Variants in AMY2B observed in about 807,000 individuals in gnomAD.
The protein encoded by AMY2B is amylase alpha 2B, also known as alpha-amylase 2B.
A neutral mutation model predicts 59.3 loss-of-function variants in AMY2B; 63 were observed. The observed-to-expected ratio is 1.06, with a 90% CI of 0.87 to 1.31. The LOEUF (loss-of-function observed/expected upper bound fraction) is 1.31, where lower values mean the gene tolerates loss of function less well. Among genes scored for constraint, AMY2B ranks in the 50% most tolerant of loss-of-function variants. The pLI is 0.00. For missense variants in AMY2B, 635 were observed against 626.7 expected (o/e 1.01, Z -0.14); for synonymous variants, 180 against 198.1 (o/e 0.91, Z 0.77).
chr1:103,572,512 C>T (rs564316980), intron 2 of AMY2B, among the ~76,000 whole-genome samples: 3 of 152,134 alleles, frequency 2.0e-5, no homozygotes, highest in Non-Finnish European at 2.9e-5. Flanking sequence ...AACTTTTATA[C>T]CTATCTATAT....
chr1:103,565,842 C>A (rs1288775261), intron 2 of AMY2B, among the ~76,000 whole-genome samples: 1 of 152,134 alleles, frequency 6.6e-6, no homozygotes, highest in Admixed American at 6.6e-5. Context: ...CTGCTGTAAT[C>A]CTAATTCAGA....
chr1:103,558,612 C>T (rs865926562), intron 1 of AMY2B, among the ~76,000 whole-genome samples: 25 of 152,036 alleles, frequency 1.6e-4, no homozygotes, highest in Middle Eastern at 6.8e-3. Context: ...CAAAAACCTA[C>T]CATTGCTGGG....
At chr1:103,561,667 C>A (rs1194305548) in intron 1 of AMY2B, 1 of 151,106 alleles carries the variant, frequency 6.6e-6, no homozygotes, top group African/African-American at 2.4e-5. Context: ...TATATATTCC[C>A]TATATATTAT....
At position 103,572,212 on chromosome 1, in the gene AMY2B, G is replaced by T; in HGVS notation, c.271G>T (p.Glu91Ter). The change falls in exon 2 of 10, where the codon GAA becomes TAA. Residue 91 changes from glutamate to a stop codon, truncating the protein, a stop_gained. Coordinates refer to ENST00000684275, the MANE Select transcript of AMY2B (RefSeq NM_001387437.1). LOFTEE classifies it high-confidence loss of function. The stretch of plus-strand genomic sequence containing the variant: ...TAAATTATGCACAAGATCTGGAAAT[G>T]AAGATGAATTTAGAAACATGGTGAC... The part of the protein sequence containing the change: ...SYKLCTRSGN[E>*]DEFRNMVTRC... 6.2e-7 allele frequency: 1 copy of T among 1,611,600 alleles called. No homozygotes were observed. The highest frequency in any genetic ancestry group is 8.5e-7 in the Non-Finnish European group (1 of 1,179,628).
chr1:103,574,240 T>C lies in AMY2B; in HGVS notation c.745-20T>C. Reference sequence around the variant, plus strand: ...TAAAGTCCTTATGCAAAATGTTACTTTTTCCTAATTTTCTACTAGGTAATT... The same window carrying C: ...TAAAGTCCTTATGCAAAATGTTACTCTTTCCTAATTTTCTACTAGGTAATT... On this transcript the variant is annotated intron_variant, in intron 4 of 9. Coordinates refer to ENST00000684275, the MANE Select transcript of AMY2B (RefSeq NM_001387437.1). 6.2e-7 allele frequency: 1 copy of C among 1,611,702 alleles called. No homozygotes were observed. The highest frequency in any genetic ancestry group is 8.5e-7 in the Non-Finnish European group (1 of 1,179,644).
At chr1:103,571,407 G>C, upstream of AMY2B, 2 of 1,265,046 alleles carry the variant, frequency 1.6e-6, no homozygotes, top group Non-Finnish European at 2.2e-6. Flanking sequence ...ATTTCTAAAA[G>C]GTCATTTAGA....
intron 1 of AMY2B, among the ~76,000 whole-genome samples, chr1:103,560,371 T>C (rs1439734967): frequency 6.6e-6 from 1 of 152,172 alleles, no homozygotes; most frequent in Non-Finnish European, 1.5e-5. Context: ...GCCTTAGATC[T>C]TTGTCCAATA....
rs1206643417 is a variant in AMY2B, at chr1:103,572,106, G to C, written c.169-4G>C. 2 of 1,611,568 alleles carry C rather than the reference G, an allele frequency of 1.2e-6. No homozygotes were observed. The highest frequency in any genetic ancestry group is 2.2e-5 in the East Asian group (1 of 44,796). ...GGTAGTTATGAAGACTGTTTAATTT[G>C]TAGGTCTCTCCACCAAATGAAAATG... is the stretch of plus-strand genomic sequence containing the variant. On this transcript the variant is annotated splice_polypyrimidine_tract_variant and splice_region_variant and intron_variant, in intron 1 of 9. Coordinates refer to ENST00000684275, the MANE Select transcript of AMY2B (RefSeq NM_001387437.1).
intron 1 of AMY2B, among the ~76,000 whole-genome samples, chr1:103,558,091 G>A (rs1391618142): frequency 1.3e-5 from 2 of 152,044 alleles, no homozygotes; most frequent in Non-Finnish European, 2.9e-5. Context: ...TTAGTGATCC[G>A]CCCTGCAAAT....
At chr1:103,560,336 A>G (rs1451156222) in intron 1 of AMY2B, among the ~76,000 whole-genome samples, 1 of 152,152 alleles carries the variant, frequency 6.6e-6, no homozygotes, top group East Asian at 1.9e-4. Context: ...TAAATGTACA[A>G]CCATTTTACT....
rs1651747795 is a variant in AMY2B at position 103,561,955 on chromosome 1, A to G, written c.-206-3480A>G. On this transcript the variant is annotated intron_variant, in intron 1 of 11. Coordinates refer to the AMY2B transcript ENST00000361355. ...CATATTGAAAGTAAGAGGTTATAGA[A>G]AATCTATAAGATTCTAAATTCAGCA... 5.9e-5 allele frequency: 9 copies of G among 152,196 alleles called. No individual in the cohort carries two copies. The South Asian group carries it at 1.9e-3, about 31-fold the overall frequency. 9.4% of individuals were successfully genotyped at this position (152,196 alleles called of 1,614,324 possible).
intron 1 of AMY2B, among the ~76,000 whole-genome samples, chr1:103,562,437 G>A (rs368693700): frequency 2.0e-5 from 3 of 152,198 alleles, no homozygotes; most frequent in East Asian, 3.9e-4. Flanking sequence ...ACTGTTGGGG[G>A]AAGGGCTGGT....
At chr1:103,575,606 A>G in intron 7 of AMY2B, 66 bp downstream of exon 7, 1 of 1,590,766 alleles carries the variant, frequency 6.3e-7, no homozygotes. Flanking sequence ...GTTCTAACTT[A>G]ATATGACAAC....
upstream of AMY2B, chr1:103,570,978 C>A (rs1410717860): frequency 5.6e-6 from 2 of 354,112 alleles, no homozygotes; most frequent in Non-Finnish European, 5.3e-6. Flanking sequence ...ACAAGTCTGG[C>A]TTGGTGAGTC....
chr1:103,565,968 A>C (rs1293510103), intron 2 of AMY2B, among the ~76,000 whole-genome samples: 1 of 152,158 alleles, frequency 6.6e-6, no homozygotes, highest in Admixed American at 6.6e-5. Context: ...AAACCTTCTG[A>C]GGTAAGTACT....
At chr1:103,579,185 G>T (rs1652478249) in intron 9 of AMY2B, 126 bp from the exon 10 acceptor site, 1 of 1,559,420 alleles carries the variant, frequency 6.4e-7, no homozygotes, top group East Asian at 2.3e-5. Flanking sequence ...GAGGCATATG[G>T]GTTTTCTTCT....
intron 1 of AMY2B, among the ~76,000 whole-genome samples, chr1:103,559,472 A>G (rs1651665277): frequency 6.6e-6 from 1 of 152,176 alleles, no homozygotes; most frequent in Non-Finnish European, 1.5e-5. Flanking sequence ...GTTGGACAAA[A>G]AATAATAATA....
intron 2 of AMY2B, among the ~76,000 whole-genome samples, chr1:103,572,731 G>A (rs1652185004): frequency 6.6e-6 from 1 of 152,130 alleles, no homozygotes; most frequent in Non-Finnish European, 1.5e-5. Flanking sequence ...TTCTCCTGGT[G>A]ACCGACTGTA....
At chr1:103,575,084 A>G (rs942996088) in intron 5 of AMY2B, 139 bp from the exon 6 acceptor site, 9 of 893,986 alleles carry the variant, frequency 1.0e-5, no homozygotes, top group Non-Finnish European at 1.4e-5. Context: ...ATATATATAT[A>G]TCTTACAGAA....
Sources: allele counts gnomAD v4.1 joint callset (sites outside exome capture counted in the v4.1 genomes callset), GRCh38; gene constraint gnomAD v4.1.1; transcripts MANE v1.5; gene names NCBI Gene and HGNC (gene_info 2026-07-23, HGNC 2026-07-21).